KIF25: variants seen among roughly 807,000 people sequenced by gnomAD.
KIF25 encodes the protein kinesin-like protein KIF25.
In KIF25, 19 loss-of-function variants were observed where a neutral mutation model predicts 32.9. The observed-to-expected ratio is 0.58, with a 90% confidence interval of 0.40 to 0.85. KIF25 has a LOEUF of 0.85. Ranked by LOEUF, KIF25 falls within the 40% of genes least tolerant of loss-of-function variation. The probability of loss-of-function intolerance (pLI) is 0.00; values close to 1 mark genes in which losing one functional copy is unlikely to be tolerated. For synonymous variants in KIF25, 225 were observed against 213.7 expected (o/e 1.05, Z -0.46); for missense variants, 485 against 507.0 (o/e 0.96, Z 0.42).
chr6:168,013,482 C>T (rs1002450799), intron 4 of KIF25, among the ~76,000 whole-genome samples: 2 of 151,998 alleles, frequency 1.3e-5, no homozygotes, highest in African/African-American at 4.8e-5. Flanking sequence ...AGGGTATGCT[C>T]CAGAGGTGGC....
intron 3 of KIF25, among the ~76,000 whole-genome samples, chr6:168,003,271 A>C (rs1286707210): frequency 1.3e-5 from 2 of 152,240 alleles, no homozygotes; most frequent in African/African-American, 4.8e-5. Context: ...AATCAAGAGA[A>C]GACAAAAGGG....
chr6:168,015,173 T>C (rs752395806), intron 4 of KIF25, among the ~76,000 whole-genome samples: 82 of 152,186 alleles, frequency 5.4e-4, no homozygotes, highest in Non-Finnish European at 7.3e-4. Flanking sequence ...CAGGCAGCCT[T>C]GGCTTGCACG....
intron 2 of KIF25, among the ~76,000 whole-genome samples, 185 bp downstream of exon 2, chr6:167,999,505 CTG>C (rs1366309143): frequency 1.3e-5 from 2 of 152,244 alleles, no homozygotes; most frequent in Non-Finnish European, 2.9e-5. Context: ...CTGCAGCCCT[CTG>C]TAATACGGCC....
intron 8 of KIF25, 39 bp from the exon 9 acceptor site, chr6:168,038,514 G>A (rs1310079505): frequency 6.2e-7 from 1 of 1,606,684 alleles, no homozygotes; most frequent in African/African-American, 1.3e-5. Flanking sequence ...ATCACTCTGT[G>A]AGACTTTCTG....
At chr6:168,012,528 C>T (rs1798661470) in intron 4 of KIF25, among the ~76,000 whole-genome samples, 1 of 152,178 alleles carries the variant, frequency 6.6e-6, no homozygotes. Flanking sequence ...GTTCGGGATA[C>T]ACACATGCAC....
chr6:168,040,453 C>A (rs1331508061), intron 10 of KIF25, among the ~76,000 whole-genome samples: 1 of 152,114 alleles, frequency 6.6e-6, no homozygotes, highest in Non-Finnish European at 1.5e-5. Flanking sequence ...GTAATCCCAG[C>A]TACTCGGGAG....
Position 168,042,032 on chromosome 6 carries a change from G to T in KIF25, c.710G>T (p.Ser237Ile). 1.3e-6 allele frequency: 2 copies of T among 1,551,534 alleles called. No homozygotes were observed. Among genetic ancestry groups the T allele is most frequent in the Non-Finnish European group, 1.7e-6 (2 of 1,147,106 alleles). Residue 237 changes from serine (S) to isoleucine (I), a missense_variant, in exon 11 of 13, where the codon AGC becomes ATC. Ser to Ile is a moderately radical substitution (Grantham distance 142). Around this residue, in one of 2 missense-constraint regions of KIF25, gnomAD observed 480 missense variants for 470.3 expected, o/e 1.02. Transcript: ENST00000643607. ...ACAGAGGCAGGAAGGGCAGGAAGGA[G>T]CCGCAGAGCTTCTCAAGGGGCCTTG... ...EQTEAGRAGR[S>I]RRASQGALAP...
intron 8 of KIF25, among the ~76,000 whole-genome samples, chr6:168,035,377 G>T (rs562954796): frequency 1.1e-3 from 145 of 131,422 alleles, no homozygotes; most frequent in African/African-American, 4.1e-3. Flanking sequence ...TTTGGCTCTG[G>T]AATTTGCCGA....
chr6:168,014,559 C>T (rs540829571), intron 4 of KIF25, among the ~76,000 whole-genome samples: 12 of 152,280 alleles, frequency 7.9e-5, no homozygotes, highest in South Asian at 4.1e-4. Flanking sequence ...GCAAATGATC[C>T]GTTTTGTGAC....
intron 2 of KIF25, among the ~76,000 whole-genome samples, chr6:168,000,055 C>A (rs1461688359): frequency 9.1e-6 from 1 of 109,422 alleles, no homozygotes; most frequent in South Asian, 4.2e-4. Flanking sequence ...TCCCCACTCC[C>A]ATCCTGACCA....
intron 6 of KIF25, 21 bp from the exon 7 acceptor site, chr6:168,030,752 C>G (rs780497629): frequency 6.2e-7 from 1 of 1,600,126 alleles, no homozygotes; most frequent in Admixed American, 1.7e-5. Flanking sequence ...ATTAATACAG[C>G]ATTTTCACTT....
Position 168,040,122 on chromosome 6 carries a change from G to A in KIF25, c.552G>A (p.Arg184=). The A allele has an allele frequency of 6.2e-7, 1 of 1,614,030 alleles. No homozygotes were observed. Among genetic ancestry groups the A allele is most frequent in the East Asian group, 2.2e-5 (1 of 44,882 alleles). The change falls in exon 10 of 13, where the codon AGG becomes AGA. Residue 184 remains arginine (R), a synonymous_variant. Transcript: ENST00000643607. ...TCGTTCATGGAGGTCTGCAGCTCAG[G>A]GCGAAGCACCCCACCCTGGTGCACG... The part of the protein sequence containing the change: ...MELVHGGLQL[R]AKHPTLVHAD...
At chr6:168,031,522 A>C (rs73260875) in intron 7 of KIF25, among the ~76,000 whole-genome samples, 8,327 of 152,298 alleles carry the variant, frequency 0.055, 477 homozygotes, top group African/African-American at 0.14. Flanking sequence ...CACATGATCC[A>C]ACGAGTAGGG....
intron 4 of KIF25, among the ~76,000 whole-genome samples, chr6:168,004,485 G>C (rs570736680): frequency 6.6e-5 from 10 of 152,340 alleles, no homozygotes; most frequent in African/African-American, 9.6e-5. Flanking sequence ...GATAGAAAGA[G>C]AAAAGGGTTG....
chr6:168,032,279 T>C (rs1386323094), intron 7 of KIF25, among the ~76,000 whole-genome samples: 1 of 152,194 alleles, frequency 6.6e-6, no homozygotes, highest in Non-Finnish European at 1.5e-5. Context: ...AGAATTGTGT[T>C]TTTGGTTTAC....
intron 8 of KIF25, among the ~76,000 whole-genome samples, chr6:168,034,728 C>T (rs749106012): frequency 3.3e-5 from 5 of 152,330 alleles, no homozygotes; most frequent in Non-Finnish European, 5.9e-5. Flanking sequence ...TGTATGCATT[C>T]GCTTCTCTTC....
At chr6:168,001,790 T>C (rs1156273877) in intron 2 of KIF25, among the ~76,000 whole-genome samples, 51 of 71,308 alleles carry the variant, frequency 7.2e-4, no homozygotes, top group Admixed American at 7.4e-4. Context: ...GGCGTGGCCT[T>C]GGGCAGGTGA....
At chr6:168,006,241 C>T (rs1371380898) in intron 4 of KIF25, among the ~76,000 whole-genome samples, 1 of 150,982 alleles carries the variant, frequency 6.6e-6, no homozygotes, top group African/African-American at 2.4e-5. Context: ...GGGGGTCTCA[C>T]TATGTTGCCC....
intron 5 of KIF25, 100 bp from the exon 6 acceptor site, chr6:168,029,392 C>A: frequency 3.7e-6 from 3 of 804,536 alleles, no homozygotes; most frequent in Non-Finnish European, 5.5e-6. Flanking sequence ...TAAGGAAATG[C>A]GAACACTGAC....
Sources: allele counts gnomAD v4.1 joint callset (sites outside exome capture counted in the v4.1 genomes callset), GRCh38; gene constraint gnomAD v4.1.1; regional missense constraint gnomAD v4.1.1; transcripts MANE v1.5; gene names NCBI Gene and HGNC (gene_info 2026-07-23, HGNC 2026-07-21).